AMPD2: variants seen among roughly 807,000 people sequenced by gnomAD.
The protein encoded by AMPD2 is AMP deaminase 2.
AMPD2 carries 52 observed loss-of-function variants against 91.3 expected under a neutral mutation model. That is an observed-to-expected ratio of 0.57 (90% CI 0.46 to 0.72). The LOEUF (loss-of-function observed/expected upper bound fraction) is 0.72. Ranked by LOEUF, AMPD2 falls within the 30% of genes least tolerant of loss-of-function variation. The pLI is 0.00. For synonymous variants in AMPD2, 455 were observed against 456.4 expected (o/e 1.00, Z 0.04); for missense variants, 822 against 1,122.3 (o/e 0.73, Z 3.82).
intron 2 of AMPD2, 24 bp downstream of exon 2, chr1:109,621,290 A>G: frequency 6.2e-7 from 1 of 1,610,036 alleles, no homozygotes; most frequent in Admixed American, 1.7e-5. Context: ...TCCTGGCCTC[A>G]GGATAGATGC....
rs770670679 is a variant in AMPD2, at chr1:109,620,220, C to T, written c.-321C>T. On this transcript the variant is annotated 5_prime_UTR_variant, in exon 1 of 19. Coordinates refer to ENST00000528667, the MANE Select transcript of AMPD2 (RefSeq NM_001368809.2). Reference sequence around the variant, plus strand: ...TGCCGTCCCTCAGGACCCGGGCTTTCTGCTGTACAGACTTCTCGTGGGCAG... The same window carrying T: ...TGCCGTCCCTCAGGACCCGGGCTTTTTGCTGTACAGACTTCTCGTGGGCAG... 5 of 1,613,892 alleles carry T rather than the reference C, an allele frequency of 3.1e-6. No individual in the cohort carries two copies. The highest frequency in any genetic ancestry group is 4.2e-6 in the Non-Finnish European group (5 of 1,179,882).
In AMPD2 at chr1:109,628,048, C is replaced by T; in HGVS notation, c.1081-35C>T. 1 of 1,605,092 alleles carries T rather than the reference C, an allele frequency of 6.2e-7. No homozygotes were observed. Among genetic ancestry groups the T allele is most frequent in the Non-Finnish European group, 8.5e-7 (1 of 1,174,258 alleles). On this transcript the variant is annotated intron_variant, in intron 10 of 18. Transcript: ENST00000528667. The surrounding 1 kb of genome is among the most constrained non-coding windows in gnomAD (Gnocchi z 7.1). ...GCCCCAGGCCCCAGACCTTCCTGGC[C>T]TCTGGTGGATCAGCAGTGCCCTGTT...
rs182015712 is a variant in AMPD2 at position 109,631,156 on chromosome 1, T to C, written c.*4T>C. 5.0e-5 allele frequency: 78 copies of C among 1,571,754 alleles called. No individual in the cohort carries two copies. The Middle Eastern group carries it at 8.3e-4, about 17-fold the overall frequency. On this transcript the variant is annotated 3_prime_UTR_variant, in exon 19 of 19. Coordinates refer to ENST00000528667, the MANE Select transcript of AMPD2 (RefSeq NM_001368809.2). Reference sequence around the variant, plus strand: ...CATGAGCCCAGGGCCTCAATGAGCCTGGTCCATGAAGTGCCCACCACATCG... The same window carrying C: ...CATGAGCCCAGGGCCTCAATGAGCCCGGTCCATGAAGTGCCCACCACATCG...
intron 9 of AMPD2, 111 bp from the exon 10 acceptor site, chr1:109,627,663 G>T: frequency 6.5e-7 from 1 of 1,534,944 alleles, no homozygotes; most frequent in Non-Finnish European, 8.9e-7. Context: ...CTTCCCTCTT[G>T]GCAGCCTCCA....
rs1395114411 is a variant in AMPD2 at position 109,628,070 on chromosome 1, T to G, written c.1081-13T>G. 1 of 1,611,692 alleles carries G rather than the reference T, an allele frequency of 6.2e-7. No individual in the cohort carries two copies. Among genetic ancestry groups the G allele is most frequent in the African/African-American group, 1.3e-5 (1 of 74,918 alleles). Reference sequence around the variant, plus strand: ...GGCCTCTGGTGGATCAGCAGTGCCCTGTTCCATTCCAGGTGGACACCCACA... The same window carrying G: ...GGCCTCTGGTGGATCAGCAGTGCCCGGTTCCATTCCAGGTGGACACCCACA... On this transcript the variant is annotated splice_polypyrimidine_tract_variant and intron_variant, in intron 10 of 18. Transcript: ENST00000528667. This position sits in a 1 kb window ranked among gnomAD's most constrained non-coding sequence, Gnocchi z 7.1.
rs141768935 is a variant in AMPD2 at position 109,629,129 on chromosome 1, G to A, written c.1592G>A (p.Gly531Asp). ...PRLFDVYRTK[G>D]QLANFQEMLE... ...TGCAGTGATGTGTACCGTACCAAGG[G>A]CCAGCTGGCCAACTTCCAGGAGATG... The change falls in exon 14 of 19, where the codon GGC (glycine) becomes GAC (aspartate). Residue 531 changes from glycine to aspartate, a missense_variant. Transcript: ENST00000528667. 5.0e-6 allele frequency: 8 copies of A among 1,613,790 alleles called. No homozygotes were observed. The highest frequency in any genetic ancestry group is 3.3e-5 in the South Asian group (3 of 91,054).
chr1:109,626,683 G>C, intron 6 of AMPD2, 43 bp from the exon 7 acceptor site: 1 of 1,582,240 alleles, frequency 6.3e-7, no homozygotes, highest in Non-Finnish European at 8.6e-7. Context: ...GGAGGTCTCT[G>C]AGTCCAAGAC....
rs774008728 is a variant in AMPD2, at chr1:109,630,280, C to T, written c.2031C>T (p.Ala677=). Residue 677 remains alanine, a synonymous_variant, in exon 17 of 19, where the codon GCC becomes GCT. Coordinates refer to ENST00000528667, the MANE Select transcript of AMPD2 (RefSeq NM_001368809.2). ...ACTACCTGGCCCAGATCGGCATCGC[C>T]ATGTCTCCGCTCAGCAACAACAGCC... ...YLYYLAQIGI[A]MSPLSNNSLF... is the part of the protein sequence containing the mutation. 6.2e-7 allele frequency: 1 copy of T among 1,613,912 alleles called. No homozygotes were observed. Among genetic ancestry groups the T allele is most frequent in the African/African-American group, 1.3e-5 (1 of 75,046 alleles).
At chr1:109,629,026 C>T (rs1650965477) in intron 13 of AMPD2, 83 bp from the exon 14 acceptor site, 2 of 1,568,100 alleles carry the variant, frequency 1.3e-6, no homozygotes, top group African/African-American at 1.3e-5. Context: ...CGCTCTTGGG[C>T]CAAGCTCTGA....
At chr1:109,630,061 C>G in intron 16 of AMPD2, 145 bp downstream of exon 16, 2 of 1,415,792 alleles carry the variant, frequency 1.4e-6, no homozygotes, top group Non-Finnish European at 1.9e-6. Context: ...CCCACCCCAG[C>G]CTTCAGCCTG....
At chr1:109,626,249 C>T (rs369853440) in intron 5 of AMPD2, 21 bp downstream of exon 5, 2 of 1,613,330 alleles carry the variant, frequency 1.2e-6, no homozygotes, top group Non-Finnish European at 1.7e-6. Flanking sequence ...CAGAGGGGCA[C>T]AGGGGATGCG....
In AMPD2 at chr1:109,625,283, T is replaced by C; in HGVS notation, c.92-20T>C. 2 of 1,611,372 alleles carry C rather than the reference T, an allele frequency of 1.2e-6. No homozygotes were observed. The highest frequency in any genetic ancestry group is 2.2e-5 in the South Asian group (2 of 90,958). ...GGGCTGCCCCTCCACCCTTTGACCC[T>C]GGCATCACTGTCTCTGCAGAGGCTC... On this transcript the variant is annotated intron_variant, in intron 2 of 18. Transcript: ENST00000528667. The surrounding 1 kb of genome is among the most constrained non-coding windows in gnomAD (Gnocchi z 4.0).
chr1:109,626,525 T>G lies in AMPD2; in HGVS notation c.531+98T>G, dbSNP rs1265136647. On this transcript the variant is annotated intron_variant, in intron 6 of 18. Transcript: ENST00000528667. The stretch of plus-strand genomic sequence containing the variant: ...GGGGGTGGGGGCTGGAAAGGGCGTT[T>G]CTCTTTCCAGCAGCTGGAGGGGCGG... The G allele has an allele frequency of 3.7e-6, 5 of 1,345,104 alleles. No homozygotes were observed. The African/African-American group carries it at 7.4e-5, about 20-fold the overall frequency. The allele number at this position is 1,345,104 out of a possible 1,614,324, so 83.3% of individuals were successfully genotyped here.
chr1:109,627,745 A>G, intron 9 of AMPD2, 29 bp from the exon 10 acceptor site: 1 of 1,612,298 alleles, frequency 6.2e-7, no homozygotes, highest in African/African-American at 1.3e-5. Flanking sequence ...TCAGGGCCTA[A>G]GTCCCTGCCT....
chr1:109,629,253 A>G lies in AMPD2; in HGVS notation c.1698+18A>G. 1 of 1,614,104 alleles carries G rather than the reference A, an allele frequency of 6.2e-7. No individual in the cohort carries two copies. The highest frequency in any genetic ancestry group is 8.5e-7 in the Non-Finnish European group (1 of 1,179,998). On this transcript the variant is annotated intron_variant, in intron 14 of 18. Coordinates refer to ENST00000528667, the MANE Select transcript of AMPD2 (RefSeq NM_001368809.2). ...TAGAGCACGTGAGCAGGCAGCGCAG[A>G]GCTGGGTATGGGGAGGGCAGCCGGC...
In AMPD2 at chr1:109,630,242, C is replaced by T; in HGVS notation, c.1993C>T (p.Leu665=). The T allele has an allele frequency of 6.2e-7, 1 of 1,612,988 alleles. No individual in the cohort carries two copies. Among genetic ancestry groups the T allele is most frequent in the East Asian group, 2.2e-5 (1 of 44,878 alleles). ...HGLLLRKAPV[L]QYLYYLAQIG... Reference sequence around the variant, plus strand: ...CCTGTTGCCTGCCCAGGCCCCCGTCCTGCAGTACCTGTACTACCTGGCCCA... The same window carrying T: ...CCTGTTGCCTGCCCAGGCCCCCGTCTTGCAGTACCTGTACTACCTGGCCCA... Residue 665 remains leucine, a synonymous_variant, in exon 17 of 19, where the codon CTG becomes TTG. Transcript: ENST00000528667.
chr1:109,630,140 T>C (rs1295805725), intron 16 of AMPD2, 93 bp from the exon 17 acceptor site: 1 of 1,427,836 alleles, frequency 7.0e-7, no homozygotes, highest in Non-Finnish European at 9.8e-7. Context: ...CCCCTCCCCC[T>C]GCCCTCTGCT....
In AMPD2 at chr1:109,630,297, A is replaced by G. The variant is rs1367028285; in HGVS notation, c.2048A>G (p.Asn683Ser). Residue 683 changes from asparagine (N) to serine (S), a missense_variant, in exon 17 of 19, where the codon AAC becomes AGC. Transcript: ENST00000528667. ...QIGIAMSPLSNNSLFLSYHRN... is the reference protein window; with the variant it reads ...QIGIAMSPLSSNSLFLSYHRN... ...GGCATCGCCATGTCTCCGCTCAGCAACAACAGCCTCTTCCTCAGCTATCAC... is the reference window on the plus strand; with the variant it reads ...GGCATCGCCATGTCTCCGCTCAGCAGCAACAGCCTCTTCCTCAGCTATCAC... 1.2e-6 allele frequency: 2 copies of G among 1,613,782 alleles called. No homozygotes were observed. Among genetic ancestry groups the G allele is most frequent in the Admixed American group, 1.7e-5 (1 of 60,006 alleles).
rs886989864 is a variant in AMPD2 at position 109,624,111 on chromosome 1, G to A, written c.92-1192G>A. 2 of 980,646 alleles carry A rather than the reference G, an allele frequency of 2.0e-6. No individual in the cohort carries two copies. The highest frequency in any genetic ancestry group is 3.5e-5 in the African/African-American group (2 of 57,138). 60.7% of individuals were successfully genotyped at this position (980,646 alleles called of 1,614,324 possible). A position where few individuals can be genotyped will look rare whatever the true frequency, so the allele number is the denominator to read the frequency against. On this transcript the variant is annotated intron_variant, in intron 2 of 18. Transcript: ENST00000528667. The surrounding 1 kb of genome is among the most constrained non-coding windows in gnomAD (Gnocchi z 5.2). ...GCAGGTAGGGTTCAGGCAGGGGCCG[G>A]GGTGCGCAGGGGACGGGGTCCTGGA...
Sources: allele counts gnomAD v4.1 joint callset, GRCh38; gene constraint gnomAD v4.1.1; non-coding constraint Gnocchi (gnomAD v3.1); transcripts MANE v1.5; gene names NCBI Gene and HGNC (gene_info 2026-07-23, HGNC 2026-07-21).